PYHIN1: variants seen among roughly 807,000 people sequenced by gnomAD.
The protein encoded by PYHIN1 is pyrin and HIN domain-containing protein 1.
Under a neutral mutation model 43.7 loss-of-function variants are expected in PYHIN1, and 32 were observed. The ratio of observed to expected loss-of-function variants is 0.73; its 90% CI spans 0.55 to 0.98. The LOEUF (loss-of-function observed/expected upper bound fraction) is 0.98, where lower values mean the gene tolerates loss of function less well. Ranked by LOEUF, PYHIN1 falls within the 50% of genes least tolerant of loss-of-function variation. The pLI, the probability that PYHIN1 is intolerant of heterozygous loss-of-function variation, is 0.00. For synonymous variants in PYHIN1, 205 were observed against 203.1 expected, an observed-to-expected ratio of 1.01 and a Z score of -0.08; for missense variants, 588 against 589.5, an observed-to-expected ratio of 1.00 and a Z score of 0.03.
the PYHIN1 span, among the ~76,000 whole-genome samples, chr1:158,982,475 T>C: frequency 5.9e-5 from 9 of 152,130 alleles, no homozygotes; most frequent in African/African-American, 1.9e-4. Context: ...ATTTCTGGGT[T>C]CTCTAACCTG....
At chr1:158,952,022 C>G (rs919953083) in intron 7 of PYHIN1, among the ~76,000 whole-genome samples, 2 of 151,894 alleles carry the variant, frequency 1.3e-5, no homozygotes, top group African/African-American at 4.8e-5. Flanking sequence ...TGCTGTGGTC[C>G]GCCTGCGGAG....
intron 1 of PYHIN1, among the ~76,000 whole-genome samples, chr1:158,936,648 C>A (rs568006420): frequency 2.0e-5 from 3 of 152,196 alleles, no homozygotes; most frequent in Non-Finnish European, 4.4e-5. Context: ...ATTCAACAAC[C>A]CTTCATGCTA....
chr1:158,946,884 C>T (rs978789632), intron 7 of PYHIN1, among the ~76,000 whole-genome samples: 1 of 152,094 alleles, frequency 6.6e-6, no homozygotes, highest in Non-Finnish European at 1.5e-5. Flanking sequence ...CTATTTTCCT[C>T]CCAACAATTA....
downstream of PYHIN1, among the ~76,000 whole-genome samples, chr1:158,979,020 A>T (rs554890965): frequency 6.6e-6 from 1 of 152,310 alleles, no homozygotes; most frequent in Admixed American, 6.5e-5. Flanking sequence ...TCTCTGCAAG[A>T]GGCAGTGAAA....
At chr1:158,990,384 A>G in the PYHIN1 span, among the ~76,000 whole-genome samples, 3 of 151,446 alleles carry the variant, frequency 2.0e-5, no homozygotes, top group African/African-American at 7.3e-5. Flanking sequence ...TTTTTTTTTA[A>G]TTTTCTAAGT....
intron 5 of PYHIN1, among the ~76,000 whole-genome samples, chr1:158,942,833 G>A (rs972492526): frequency 6.6e-6 from 1 of 152,028 alleles, no homozygotes; most frequent in East Asian, 1.9e-4. Flanking sequence ...TGACAATCAG[G>A]GCAAGAAATG....
intron 2 of PYHIN1, among the ~76,000 whole-genome samples, chr1:158,937,754 G>C (rs1239032192): frequency 6.6e-6 from 1 of 152,062 alleles, no homozygotes; most frequent in Non-Finnish European, 1.5e-5. Flanking sequence ...AGACCATCCT[G>C]GCTAACAAGG....
chr1:158,973,848 CA>C, intron 8 of PYHIN1, 77 bp downstream of exon 8: 1 of 1,452,552 alleles, frequency 6.9e-7, no homozygotes, highest in Non-Finnish European at 9.5e-7. Context: ...AAGGGATTCT[CA>C]TTTAAATTCT....
Position 158,937,130 on chromosome 1 carries a change from A to C in PYHIN1, c.220A>C (p.Thr74Pro). Residue 74 changes from threonine (T) to proline (P), a missense_variant, in exon 2 of 9, where the codon ACA becomes CCA. Transcript: ENST00000368140. ...AATAGAATTCTTCAAAGAAATACCA[A>C]CACTGGGAGACCTTGCTGAAACTCT... The part of the protein sequence containing the change: ...KLIEFFKEIP[T>P]LGDLAETLKR... The C allele has an allele frequency of 6.2e-7, 1 of 1,607,472 alleles. No individual in the cohort carries two copies. The highest frequency in any genetic ancestry group is 8.5e-7 in the Non-Finnish European group (1 of 1,178,002).
At chr1:158,988,047 G>C in the PYHIN1 span, among the ~76,000 whole-genome samples, 16 of 152,176 alleles carry the variant, frequency 1.1e-4, no homozygotes, top group Non-Finnish European at 1.9e-4. Context: ...AGAACCTACG[G>C]AGTAGGCACA....
At chr1:158,944,795 G>A in intron 6 of PYHIN1, 80 bp from the exon 7 acceptor site, 1 of 1,071,624 alleles carries the variant, frequency 9.3e-7, no homozygotes, top group Non-Finnish European at 1.3e-6. Context: ...TTTAATAAAG[G>A]ATGATATTCT....
chr1:158,985,824 A>G, the PYHIN1 span, among the ~76,000 whole-genome samples: 1 of 152,080 alleles, frequency 6.6e-6, no homozygotes, highest in African/African-American at 2.4e-5. Context: ...ACATAAACTC[A>G]TATTTCTTGA....
intron 7 of PYHIN1, among the ~76,000 whole-genome samples, chr1:158,964,416 A>G (rs970597446): frequency 3.3e-5 from 5 of 152,174 alleles, no homozygotes; most frequent in African/African-American, 1.2e-4. Flanking sequence ...TCCCCAAGAC[A>G]CATAATCATA....
At chr1:158,985,575 G>A in the PYHIN1 span, among the ~76,000 whole-genome samples, 1 of 152,126 alleles carries the variant, frequency 6.6e-6, no homozygotes, top group African/African-American at 2.4e-5. Flanking sequence ...CTCTTTTGCT[G>A]CCTTTCATAT....
Position 158,936,922 on chromosome 1 carries a change from C to T in PYHIN1, c.12C>T (p.Asn4=), listed in dbSNP as rs1293216503. The part of the protein sequence containing the change: MAN[N]YKKIVLLKGL... Reference sequence around the variant, plus strand: ...TTATATCTTTAGAGATGGCAAATAACTACAAGAAAATTGTTCTACTGAAAG... The same window carrying T: ...TTATATCTTTAGAGATGGCAAATAATTACAAGAAAATTGTTCTACTGAAAG... Residue 4 remains asparagine (N), a synonymous_variant, in exon 2 of 9, where the codon AAC becomes AAT. Coordinates refer to ENST00000368140, the MANE Select transcript of PYHIN1 (RefSeq NM_152501.5). 1 of 1,581,228 alleles carries T rather than the reference C, an allele frequency of 6.3e-7. No homozygotes were observed. Among genetic ancestry groups the T allele is most frequent in the South Asian group, 1.2e-5 (1 of 84,390 alleles).
In PYHIN1 at chr1:158,941,953, G is replaced by A. The variant is rs745790133; in HGVS notation, c.580-24G>A. The stretch of plus-strand genomic sequence containing the variant: ...TTCCTCACTCAAAAATTTCTTTTTT[G>A]TATTCCTTTTGTATCATGCGCAGAG... On this transcript the variant is annotated intron_variant, in intron 4 of 8. Coordinates refer to ENST00000368140, the MANE Select transcript of PYHIN1 (RefSeq NM_152501.5). 22 of 1,539,312 alleles carry A rather than the reference G, an allele frequency of 1.4e-5. No individual in the cohort carries two copies. In the East Asian group the frequency reaches 2.9e-4, roughly 21 times the overall value.
chr1:158,943,054 G>A (rs375576844), intron 5 of PYHIN1, among the ~76,000 whole-genome samples: 5 of 152,096 alleles, frequency 3.3e-5, no homozygotes, highest in Admixed American at 6.6e-5. Flanking sequence ...CAAAATTCAC[G>A]AAACTAGTTA....
Position 158,943,298 on chromosome 1 carries a change from G to T in PYHIN1, c.1003-492G>T, listed in dbSNP as rs143882535. Among the ~76,000 whole-genome samples the T allele has an allele frequency of 3.1e-3, 476 of 152,322 alleles. 3 individuals are homozygous for T. In the Middle Eastern group the frequency reaches 0.037, roughly 12 times the overall value. On this transcript the variant is annotated intron_variant, in intron 5 of 8. Coordinates refer to ENST00000368140, the MANE Select transcript of PYHIN1 (RefSeq NM_152501.5). ...GGAATGTTTGAGCTTAAGGACCTGA[G>T]TTCAGGATGGGAGCAGATGTTGAAA...
the PYHIN1 span, among the ~76,000 whole-genome samples, chr1:158,982,940 T>C: frequency 1.3e-5 from 2 of 152,126 alleles, no homozygotes; most frequent in Non-Finnish European, 2.9e-5. Flanking sequence ...GCTTTCAGCT[T>C]GGGTATTATT....
Sources: allele counts gnomAD v4.1 joint callset (sites outside exome capture counted in the v4.1 genomes callset), GRCh38; gene constraint gnomAD v4.1.1; transcripts MANE v1.5; gene names NCBI Gene and HGNC (gene_info 2026-07-23, HGNC 2026-07-21).